The following TMEM108 variants were observed in gnomAD, a reference collection of about 807,000 sequenced individuals.
TMEM108 encodes transmembrane protein 108.
In TMEM108, 12 loss-of-function variants were observed where a neutral mutation model predicts 35.1. The observed-to-expected ratio is 0.34, with a 90% confidence interval of 0.22 to 0.55. TMEM108 has a LOEUF of 0.55. Among genes scored for constraint, TMEM108 ranks in the 20% least tolerant of loss-of-function variants. TMEM108 has a pLI of 0.89. For missense variants in TMEM108, 680 were observed against 753.3 expected (o/e 0.90, Z 1.14); for synonymous variants, 287 against 308.6 (o/e 0.93, Z 0.73).
intron 2 of TMEM108, among the ~76,000 whole-genome samples, chr3:133,183,572 T>C (rs1945378277): frequency 6.6e-6 from 1 of 151,940 alleles, no homozygotes; most frequent in Non-Finnish European, 1.5e-5. Flanking sequence ...GGAAAGAGAA[T>C]GAAAAGGGGG....
rs529931218 is a variant in TMEM108 at position 133,151,239 on chromosome 3, A to C, written c.-46-78027A>C. Among the ~76,000 whole-genome samples, 29 of 152,144 alleles carry C rather than the reference A, an allele frequency of 1.9e-4. 1 individual carries two copies. The South Asian group carries it at 5.8e-3, about 30-fold the overall frequency. On this transcript the variant is annotated intron_variant, in intron 2 of 5. Coordinates refer to ENST00000321871, the MANE Select transcript of TMEM108 (RefSeq NM_023943.4). ...GTTAATTTTCTGTTGCCCCCTTAGG[A>C]CTGTAATCCTGAGGGAAGGGAACAT...
At chr3:133,189,460 G>A (rs1945468572) in intron 2 of TMEM108, among the ~76,000 whole-genome samples, 1 of 152,104 alleles carries the variant, frequency 6.6e-6, no homozygotes. Context: ...CATTACATTG[G>A]GAAAAGCTTT....
intron 2 of TMEM108, among the ~76,000 whole-genome samples, chr3:133,215,365 T>TA (rs35908719): frequency 0.34 from 46,415 of 135,238 alleles, 7,704 homozygotes; most frequent in East Asian, 0.47. Flanking sequence ...CATAAAAATG[T>TA]AAAAAAAAAA....
chr3:133,381,197 TACC>T, intron 4 of TMEM108, 36 bp downstream of exon 4: 1 of 1,543,244 alleles, frequency 6.5e-7, no homozygotes, highest in Non-Finnish European at 8.8e-7. Context: ...CCTCTCCCTC[TACC>T]ACATCACTGG....
intron 3 of TMEM108, among the ~76,000 whole-genome samples, chr3:133,331,434 A>G (rs2071391936): frequency 6.6e-6 from 1 of 152,190 alleles, no homozygotes; most frequent in Non-Finnish European, 1.5e-5. Context: ...CTAATGGAAC[A>G]TTCCTCTGAT....
intron 2 of TMEM108, among the ~76,000 whole-genome samples, chr3:133,049,037 C>T (rs182261261): frequency 6.6e-6 from 1 of 152,138 alleles, no homozygotes; most frequent in Non-Finnish European, 1.5e-5. Context: ...TCCCAGTGAT[C>T]CTGATGGATG....
chr3:133,179,693 T>C (rs991405060), intron 2 of TMEM108, among the ~76,000 whole-genome samples: 7 of 152,050 alleles, frequency 4.6e-5, no homozygotes, highest in African/African-American at 1.5e-4. Flanking sequence ...CATTGGGAGA[T>C]ATACCTAATG....
At chr3:133,390,444 A>T in intron 5 of TMEM108, 110 bp downstream of exon 5, 1 of 1,230,556 alleles carries the variant, frequency 8.1e-7, no homozygotes, top group Non-Finnish European at 1.1e-6. Flanking sequence ...TGGCCCATGG[A>T]CCAGCAGTAT....
At chr3:133,114,255 A>G (rs1409029145) in intron 2 of TMEM108, among the ~76,000 whole-genome samples, 1 of 152,198 alleles carries the variant, frequency 6.6e-6, no homozygotes, top group Non-Finnish European at 1.5e-5. Context: ...GATAGCATCA[A>G]TGTAAGCATG....
At chr3:133,173,752 G>T (rs1262030689) in intron 2 of TMEM108, among the ~76,000 whole-genome samples, 1 of 152,208 alleles carries the variant, frequency 6.6e-6, no homozygotes, top group African/African-American at 2.4e-5. Flanking sequence ...CTAGTCTACA[G>T]CTCCCAGCAT....
chr3:133,102,092 A>G (rs1331289224), intron 2 of TMEM108, among the ~76,000 whole-genome samples: 6 of 152,204 alleles, frequency 3.9e-5, no homozygotes, highest in African/African-American at 1.2e-4. Flanking sequence ...TTGTAATGCC[A>G]AGCACAACTC....
chr3:133,094,217 T>TCCCCCCCCTCCC (rs1576314941), intron 2 of TMEM108, among the ~76,000 whole-genome samples: 1 of 41,414 alleles, frequency 2.4e-5, no homozygotes, highest in Non-Finnish European at 5.2e-5. Context: ...CCTTCCCACC[T>TCCCCCCCCTCCC]CCCACCCCAC....
At chr3:133,045,794 A>C (rs1258399831) in intron 1 of TMEM108, 108 bp from the exon 2 acceptor site, 1 of 152,572 alleles carries the variant, frequency 6.6e-6, no homozygotes, top group African/African-American at 2.4e-5. Flanking sequence ...TTGAGCTATT[A>C]TACATGTTTG....
chr3:133,176,960 A>G (rs368667574), intron 2 of TMEM108, among the ~76,000 whole-genome samples: 6 of 152,314 alleles, frequency 3.9e-5, no homozygotes, highest in East Asian at 3.9e-4. Context: ...TCAAATAGAC[A>G]CAATAAAAAA....
intron 2 of TMEM108, among the ~76,000 whole-genome samples, chr3:133,226,878 G>A (rs1946079234): frequency 6.6e-6 from 1 of 152,140 alleles, no homozygotes. Flanking sequence ...CACATGGCTG[G>A]GGAGGCCTCA....
intron 2 of TMEM108, among the ~76,000 whole-genome samples, chr3:133,178,754 G>A (rs1448776722): frequency 2.6e-5 from 4 of 152,152 alleles, no homozygotes; most frequent in Admixed American, 2.6e-4. Flanking sequence ...CATGGGCAAG[G>A]ACTTCATGTC....
At chr3:133,076,141 A>G (rs980155656) in intron 2 of TMEM108, among the ~76,000 whole-genome samples, 1 of 152,208 alleles carries the variant, frequency 6.6e-6, no homozygotes, top group Non-Finnish European at 1.5e-5. Context: ...TGTACTTTTA[A>G]TAAGTCCAAA....
intron 3 of TMEM108, among the ~76,000 whole-genome samples, chr3:133,331,675 G>A (rs141538483): frequency 7.4e-4 from 112 of 152,268 alleles, no homozygotes; most frequent in African/African-American, 2.5e-3. Context: ...CCAAGGACCC[G>A]TACTGATTAT....
At chr3:133,237,680 A>T (rs1576402962) in intron 3 of TMEM108, among the ~76,000 whole-genome samples, 1 of 152,196 alleles carries the variant, frequency 6.6e-6, no homozygotes, top group Non-Finnish European at 1.5e-5. Flanking sequence ...CCAAAATAAC[A>T]TATCTCAACA....
Sources: allele counts gnomAD v4.1 joint callset (sites outside exome capture counted in the v4.1 genomes callset), GRCh38; gene constraint gnomAD v4.1.1; transcripts MANE v1.5; gene names NCBI Gene and HGNC (gene_info 2026-07-23, HGNC 2026-07-21).